RIN3: variants seen among roughly 807,000 people sequenced by gnomAD.
The protein encoded by RIN3 is Ras and Rab interactor 3, also known as RAB5 interacting protein 3.
Under a neutral mutation model 76.3 loss-of-function variants are expected in RIN3, and 54 were observed. The ratio of observed to expected loss-of-function variants is 0.71; its 90% CI spans 0.57 to 0.89. The LOEUF (loss-of-function observed/expected upper bound fraction) is 0.89. Among genes scored for constraint, RIN3 ranks in the 40% least tolerant of loss-of-function variants. The pLI, the probability that RIN3 is intolerant of heterozygous loss-of-function variation, is 0.00. For missense variants in RIN3, 1,256 were observed against 1,322.1 expected (o/e 0.95, Z 0.78); for synonymous variants, 576 against 564.0 (o/e 1.02, Z -0.30).
intron 7 of RIN3, among the ~76,000 whole-genome samples, chr14:92,661,158 A>G (rs1887868832): frequency 6.6e-6 from 1 of 152,210 alleles, no homozygotes; most frequent in Admixed American, 6.5e-5. Flanking sequence ...TATTAGAAAC[A>G]ATGTATGTAA....
rs148786534 is a variant in RIN3 at position 92,629,227 on chromosome 14, A to G, written c.441-12011A>G. On this transcript the variant is annotated intron_variant, in intron 4 of 9. Coordinates refer to ENST00000216487, the MANE Select transcript of RIN3 (RefSeq NM_024832.5). The stretch of plus-strand genomic sequence containing the variant: ...AGAGAAAGGAGAAAAAGGAATCCCA[A>G]ACTTTGGACTTACCTCTTCCTCCCC... 2.3e-3 allele frequency among the ~76,000 whole-genome samples: 351 copies of G among 152,250 alleles called. 2 individuals carry two copies. Among genetic ancestry groups the G allele is most frequent in the African/African-American group, 8.3e-3 (343 of 41,548 alleles).
chr14:92,574,415 G>A (rs1196088078), intron 2 of RIN3, among the ~76,000 whole-genome samples: 1 of 152,212 alleles, frequency 6.6e-6, no homozygotes. Context: ...TGGTGACAAA[G>A]AAAAGGGAAG....
rs1306892381 is a variant in RIN3 at position 92,561,040 on chromosome 14, A to ATATATATATATATATATATATATATAT, written c.249+5085_249+5086insTATATATATATATATATATATATATAT. Among the ~76,000 whole-genome samples, 69 of 15,336 alleles carry ATATATATATATATATATATATATATAT rather than the reference A, an allele frequency of 4.5e-3. 2 individuals carry two copies. Among genetic ancestry groups the ATATATATATATATATATATATATATAT allele is most frequent in the South Asian group, 8.4e-3 (2 of 238 alleles). The allele number at this position is 15,336 out of a possible 152,430, so 10.1% of individuals were successfully genotyped here. On this transcript the variant is annotated intron_variant, in intron 2 of 9. Coordinates refer to ENST00000216487, the MANE Select transcript of RIN3 (RefSeq NM_024832.5). ...CTGTCTAAAAAAAAAAAAAAAAAAA[A>ATATATATATATATATATATATATATAT]AAAAATATATATATATCTGCCATAT...
At chr14:92,644,695 A>G (rs1887135756) in intron 5 of RIN3, 1 of 152,228 alleles carries the variant, frequency 6.6e-6, no homozygotes, top group African/African-American at 2.4e-5. Context: ...GCTCACCACA[A>G]TCATTTTCCC....
intron 1 of RIN3, among the ~76,000 whole-genome samples, chr14:92,542,169 T>G (rs1410722579): frequency 6.6e-6 from 1 of 152,120 alleles, no homozygotes; most frequent in African/African-American, 2.4e-5. Flanking sequence ...ATGCCTGTGA[T>G]CCCAGCTACT....
At chr14:92,553,950 C>G (rs1237782181) in intron 1 of RIN3, among the ~76,000 whole-genome samples, 3 of 152,150 alleles carry the variant, frequency 2.0e-5, no homozygotes, top group African/African-American at 7.2e-5. Flanking sequence ...AGGGCTTACC[C>G]TGGCCTCGTC....
At chr14:92,557,916 A>G (rs1897642845) in intron 2 of RIN3, among the ~76,000 whole-genome samples, 1 of 152,238 alleles carries the variant, frequency 6.6e-6, no homozygotes, top group South Asian at 2.1e-4. Flanking sequence ...TTGGTCATCA[A>G]GAAGGACATG....
At chr14:92,610,587 G>C (rs1405581383) in intron 3 of RIN3, among the ~76,000 whole-genome samples, 1 of 152,208 alleles carries the variant, frequency 6.6e-6, no homozygotes, top group Non-Finnish European at 1.5e-5. Flanking sequence ...GGCATTTTGG[G>C]CAGTGCACCC....
intron 2 of RIN3, among the ~76,000 whole-genome samples, chr14:92,567,837 A>C (rs558350366): frequency 1.3e-5 from 2 of 152,168 alleles, no homozygotes; most frequent in African/African-American, 4.8e-5. Flanking sequence ...GTTGTCATTT[A>C]TTTGTCTAAT....
chr14:92,665,260 C>T (rs1179236112), intron 7 of RIN3, among the ~76,000 whole-genome samples: 10 of 151,826 alleles, frequency 6.6e-5, no homozygotes, highest in Admixed American at 6.6e-4. Flanking sequence ...AGAAAAGGTG[C>T]AGTAAAAGTC....
chr14:92,550,796 G>A (rs1897402738), intron 1 of RIN3, among the ~76,000 whole-genome samples: 1 of 152,188 alleles, frequency 6.6e-6, no homozygotes, highest in Admixed American at 6.5e-5. Context: ...AGGTCATACA[G>A]CCTGCATCCA....
At chr14:92,600,343 G>A (rs191122964) in intron 3 of RIN3, among the ~76,000 whole-genome samples, 5 of 152,252 alleles carry the variant, frequency 3.3e-5, no homozygotes, top group South Asian at 4.1e-4. Context: ...TCTGCTCCCC[G>A]GAGCTGCAGG....
At chr14:92,660,391 G>A (rs1390526189) in intron 7 of RIN3, among the ~76,000 whole-genome samples, 1 of 152,128 alleles carries the variant, frequency 6.6e-6, no homozygotes, top group Non-Finnish European at 1.5e-5. Context: ...GTTGGCTGTT[G>A]GCTGCTCTGG....
chr14:92,574,247 TGAG>T (rs1331253057), intron 2 of RIN3, among the ~76,000 whole-genome samples: 1 of 152,192 alleles, frequency 6.6e-6, no homozygotes, highest in Non-Finnish European at 1.5e-5. Context: ...TAGATGAGCT[TGAG>T]GAGGCAGTAT....
At chr14:92,617,815 C>A (rs1470682074) in intron 4 of RIN3, among the ~76,000 whole-genome samples, 2 of 152,204 alleles carry the variant, frequency 1.3e-5, no homozygotes, top group East Asian at 3.8e-4. Flanking sequence ...TGTCTTTGTT[C>A]AGCCAATTCT....
intron 1 of RIN3, among the ~76,000 whole-genome samples, chr14:92,534,761 C>G (rs536588440): frequency 1.5e-4 from 23 of 152,064 alleles, no homozygotes; most frequent in Non-Finnish European, 2.9e-4. Context: ...ACACCTTCCA[C>G]TATCTTGTAT....
chr14:92,674,134 G>C (rs753648177), intron 7 of RIN3, among the ~76,000 whole-genome samples: 1 of 152,092 alleles, frequency 6.6e-6, no homozygotes, highest in Non-Finnish European at 1.5e-5. Context: ...AAACATCCTC[G>C]GGCACCTCGT....
chr14:92,671,504 G>T (rs2140164039), intron 7 of RIN3, among the ~76,000 whole-genome samples: 1 of 152,290 alleles, frequency 6.6e-6, no homozygotes, highest in African/African-American at 2.4e-5. Context: ...GCCCAGGAGG[G>T]CTTCTTGGAG....
At chr14:92,609,574 G>C (rs1411520781) in intron 3 of RIN3, among the ~76,000 whole-genome samples, 2 of 152,330 alleles carry the variant, frequency 1.3e-5, no homozygotes, top group South Asian at 2.1e-4. Flanking sequence ...CCTGCCCAGG[G>C]CAGAAGCGGG....
Sources: allele counts gnomAD v4.1 joint callset (sites outside exome capture counted in the v4.1 genomes callset), GRCh38; gene constraint gnomAD v4.1.1; transcripts MANE v1.5; gene names NCBI Gene and HGNC (gene_info 2026-07-23, HGNC 2026-07-21).